PLCL1: variants seen among roughly 807,000 people sequenced by gnomAD.
The protein encoded by PLCL1 is inactive phospholipase C-like protein 1.
A neutral mutation model predicts 84.4 loss-of-function variants in PLCL1; 41 were observed. That is an observed-to-expected ratio of 0.49 (90% CI 0.38 to 0.63). The LOEUF is 0.63. Among genes scored for constraint, PLCL1 ranks in the 30% least tolerant of loss-of-function variants. The pLI is 0.00. For synonymous variants in PLCL1, 490 were observed against 488.3 expected, an observed-to-expected ratio of 1.00 and a Z score of -0.05; for missense variants, 1,206 against 1,367.8, an observed-to-expected ratio of 0.88 and a Z score of 1.87.
intron 5 of PLCL1, among the ~76,000 whole-genome samples, chr2:198,130,525 A>G (rs1338895917): frequency 6.6e-6 from 1 of 151,904 alleles, no homozygotes; most frequent in Non-Finnish European, 1.5e-5. Flanking sequence ...CATATAGTTT[A>G]TATATCAAAT....
chr2:197,983,229 T>C (rs868387066), intron 1 of PLCL1, among the ~76,000 whole-genome samples: 741 of 50,784 alleles, frequency 0.015, 97 homozygotes, highest in African/African-American at 0.069. Context: ...TTTTTTTTTT[T>C]TTTTTTTTTT....
At chr2:197,978,073 A>C (rs1690023982) in intron 1 of PLCL1, among the ~76,000 whole-genome samples, 1 of 152,216 alleles carries the variant, frequency 6.6e-6, no homozygotes, top group African/African-American at 2.4e-5. Context: ...GTTACTTGTT[A>C]ACTCTGTATG....
chr2:197,820,134 T>G (rs888040746), intron 1 of PLCL1, among the ~76,000 whole-genome samples: 2 of 152,086 alleles, frequency 1.3e-5, no homozygotes, highest in African/African-American at 4.8e-5. Context: ...ATATGTTATT[T>G]CATTTAAGTT....
chr2:197,857,155 A>G (rs920448941), intron 1 of PLCL1, among the ~76,000 whole-genome samples: 4 of 151,876 alleles, frequency 2.6e-5, no homozygotes, highest in African/African-American at 9.7e-5. Flanking sequence ...TTGGAAATTT[A>G]AAAAAAAGAG....
At chr2:197,997,878 A>G (rs911534836) in intron 1 of PLCL1, among the ~76,000 whole-genome samples, 1 of 152,226 alleles carries the variant, frequency 6.6e-6, no homozygotes, top group South Asian at 2.1e-4. Context: ...GATTCATTCA[A>G]TTCTATATTT....
intron 1 of PLCL1, among the ~76,000 whole-genome samples, chr2:198,014,398 A>C (rs951219540): frequency 2.0e-5 from 3 of 152,076 alleles, no homozygotes; most frequent in African/African-American, 7.2e-5. Context: ...TTATTCCTCC[A>C]ATAGTCAGTT....
intron 5 of PLCL1, among the ~76,000 whole-genome samples, chr2:198,125,703 G>T (rs1693968784): frequency 6.6e-6 from 1 of 152,142 alleles, no homozygotes; most frequent in Admixed American, 6.5e-5. Context: ...CATGGTGGGA[G>T]ATATGCTTTG....
In PLCL1 at chr2:198,058,527, G is replaced by A. The variant is rs1373700182; in HGVS notation, c.241-25231G>A. Among the ~76,000 whole-genome samples, 3 of 151,632 alleles carry A rather than the reference G, an allele frequency of 2.0e-5. No homozygotes were observed. The East Asian group carries it at 5.8e-4, about 29-fold the overall frequency. ...GCAATTACCAGACTGCTTGGCTTCT[G>A]TAAACATTTTTAAAAAATCATTTTG... is the stretch of plus-strand genomic sequence containing the variant. On this transcript the variant is annotated intron_variant, in intron 1 of 5. Transcript: ENST00000428675.
At chr2:198,052,962 A>G (rs1480174231) in intron 1 of PLCL1, among the ~76,000 whole-genome samples, 1 of 152,212 alleles carries the variant, frequency 6.6e-6, no homozygotes, top group African/African-American at 2.4e-5. Flanking sequence ...ATAGCCCATG[A>G]TGGTATAAAT....
chr2:197,930,567 C>A (rs1258431466), intron 1 of PLCL1, among the ~76,000 whole-genome samples: 1 of 151,998 alleles, frequency 6.6e-6, no homozygotes, highest in Non-Finnish European at 1.5e-5. Context: ...TCCTACTATA[C>A]CTTATTCTTT....
intron 1 of PLCL1, among the ~76,000 whole-genome samples, chr2:197,916,517 C>T (rs1369956114): frequency 6.6e-6 from 1 of 152,072 alleles, no homozygotes; most frequent in Non-Finnish European, 1.5e-5. Flanking sequence ...CCATGCTGTA[C>T]ACTTATATAT....
intron 1 of PLCL1, among the ~76,000 whole-genome samples, chr2:197,992,788 A>C (rs1457690082): frequency 8.5e-5 from 13 of 152,158 alleles, no homozygotes; most frequent in Admixed American, 8.5e-4. Flanking sequence ...CTCACATAAA[A>C]TAAATCATAT....
chr2:198,099,542 T>C (rs1693281545), intron 3 of PLCL1, among the ~76,000 whole-genome samples: 1 of 152,114 alleles, frequency 6.6e-6, no homozygotes, highest in Admixed American at 6.6e-5. Context: ...TATGAAACAA[T>C]TTCATATGAG....
At position 198,005,145 on chromosome 2, in the gene PLCL1, C is replaced by T. The variant is rs915995008; in HGVS notation, c.241-78613C>T. Among the ~76,000 whole-genome samples the T allele has an allele frequency of 4.6e-5, 7 of 152,230 alleles. No homozygotes were observed. In the South Asian group the frequency reaches 1.4e-3, roughly 31 times the overall value. On this transcript the variant is annotated intron_variant, in intron 1 of 5. Transcript: ENST00000428675. ...TCCTTCCACCCTCGCTCCCTCACTT[C>T]CACCCTCCTTTATTTCTCCTTCTTT...
chr2:198,128,686 A>G (rs943307638), intron 5 of PLCL1, among the ~76,000 whole-genome samples: 2 of 151,872 alleles, frequency 1.3e-5, no homozygotes, highest in Non-Finnish European at 2.9e-5. Context: ...CAGCTGCATG[A>G]CTCCTAAACC....
At chr2:197,880,933 A>G (rs1687816552) in intron 1 of PLCL1, among the ~76,000 whole-genome samples, 1 of 152,204 alleles carries the variant, frequency 6.6e-6, no homozygotes, top group Non-Finnish European at 1.5e-5. Flanking sequence ...CTTTAAAATT[A>G]TGCCCATCTG....
intron 1 of PLCL1, among the ~76,000 whole-genome samples, chr2:197,819,618 C>T (rs16824376): frequency 0.19 from 29,341 of 151,984 alleles, 2,911 homozygotes; most frequent in East Asian, 0.27. Context: ...TTTACTAAGC[C>T]GGCTGTCTAC....
chr2:198,131,337 T>A (rs892422739), intron 5 of PLCL1, among the ~76,000 whole-genome samples: 11 of 152,198 alleles, frequency 7.2e-5, no homozygotes, highest in African/African-American at 2.7e-4. Context: ...GAGTTAGGTA[T>A]CCCTGTACGT....
At chr2:198,037,349 A>G (rs1013213105) in intron 1 of PLCL1, among the ~76,000 whole-genome samples, 1 of 152,236 alleles carries the variant, frequency 6.6e-6, no homozygotes, top group African/African-American at 2.4e-5. Context: ...AGAACATTAC[A>G]TACTATAGTG....
Sources: allele counts gnomAD v4.1 joint callset (sites outside exome capture counted in the v4.1 genomes callset), GRCh38; gene constraint gnomAD v4.1.1; transcripts MANE v1.5; gene names NCBI Gene and HGNC (gene_info 2026-07-23, HGNC 2026-07-21).